Variants in TBC1D32 observed in about 807,000 individuals in gnomAD.
TBC1D32 encodes protein broad-minded.
Under a neutral mutation model 170.3 loss-of-function variants are expected in TBC1D32, and 151 were observed. The ratio of observed to expected loss-of-function variants is 0.89; its 90% CI spans 0.78 to 1.01. The LOEUF is 1.01. Ranked by LOEUF, TBC1D32 falls within the 50% of genes least tolerant of loss-of-function variation. The probability of loss-of-function intolerance (pLI) is 0.00; values close to 1 mark genes in which losing one functional copy is unlikely to be tolerated. For synonymous variants in TBC1D32, 498 were observed against 488.0 expected, an observed-to-expected ratio of 1.02 and a Z score of -0.27; for missense variants, 1,464 against 1,457.1, an observed-to-expected ratio of 1.00 and a Z score of -0.08.
chr6:121,221,627 G>GCTTT (rs1283316992), intron 21 of TBC1D32, among the ~76,000 whole-genome samples: 7 of 152,202 alleles, frequency 4.6e-5, no homozygotes, highest in African/African-American at 1.7e-4. Flanking sequence ...ATGACTTAAA[G>GCTTT]AAGTTCAGTA....
intron 15 of TBC1D32, among the ~76,000 whole-genome samples, chr6:121,267,846 G>C (rs1442597866): frequency 2.6e-5 from 4 of 152,134 alleles, no homozygotes; most frequent in African/African-American, 9.7e-5. Flanking sequence ...CTAACTGGCA[G>C]ACAACTCTCA....
chr6:121,147,096 T>G (rs1486785987), intron 24 of TBC1D32, among the ~76,000 whole-genome samples: 4 of 152,244 alleles, frequency 2.6e-5, no homozygotes, highest in Non-Finnish European at 5.9e-5. Flanking sequence ...CTTGCATTAA[T>G]GCACTTAGAA....
At chr6:121,128,485 T>A (rs1337123949) in intron 25 of TBC1D32, among the ~76,000 whole-genome samples, 1 of 152,100 alleles carries the variant, frequency 6.6e-6, no homozygotes, top group African/African-American at 2.4e-5. Context: ...CACAAAACAA[T>A]CCTTAATTAT....
At chr6:121,334,582 T>G (rs1057422956), upstream of TBC1D32, 4 of 850,058 alleles carry the variant, frequency 4.7e-6, no homozygotes, top group African/African-American at 5.2e-5. Context: ...CGCCCTCAGC[T>G]GCCAGTGCGT....
intron 1 of TBC1D32, among the ~76,000 whole-genome samples, 192 bp from the exon 2 acceptor site, chr6:121,321,986 T>TCATTTAAAGATTAC (rs1456894089): frequency 6.6e-6 from 1 of 151,936 alleles, no homozygotes; most frequent in East Asian, 1.9e-4. Flanking sequence ...GCAAAAATCA[T>TCATTTAAAGATTAC]CATTTAAAGA....
chr6:121,190,667 C>A (rs1172585613), intron 22 of TBC1D32, among the ~76,000 whole-genome samples: 1 of 152,060 alleles, frequency 6.6e-6, no homozygotes, highest in Non-Finnish European at 1.5e-5. Context: ...TTACTTAAAA[C>A]CCAAACCAAA....
chr6:121,289,830 T>C (rs1048070418), intron 12 of TBC1D32, among the ~76,000 whole-genome samples: 1 of 152,042 alleles, frequency 6.6e-6, no homozygotes, highest in Non-Finnish European at 1.5e-5. Context: ...AACAGAGCCC[T>C]CAGAAATAAT....
intron 30 of TBC1D32, among the ~76,000 whole-genome samples, chr6:121,092,636 G>A (rs1256418787): frequency 6.6e-6 from 1 of 151,868 alleles, no homozygotes; most frequent in African/African-American, 2.4e-5. Context: ...CTATTGGCAG[G>A]GCTGGTTTCT....
intron 22 of TBC1D32, 72 bp from the exon 23 acceptor site, chr6:121,161,128 G>A: frequency 2.6e-6 from 3 of 1,152,554 alleles, no homozygotes; most frequent in South Asian, 1.5e-5. Context: ...TCAAGTCTCT[G>A]GATTGTAAAG....
intron 9 of TBC1D32, among the ~76,000 whole-genome samples, chr6:121,300,663 G>A (rs1212830319): frequency 1.3e-5 from 2 of 152,042 alleles, no homozygotes; most frequent in Non-Finnish European, 1.5e-5. Flanking sequence ...CAAAAGCAAT[G>A]ACAACAAAAG....
At chr6:121,313,992 C>T (rs75539064) in intron 3 of TBC1D32, among the ~76,000 whole-genome samples, 2,082 of 152,214 alleles carry the variant, frequency 0.014, 35 homozygotes, top group African/African-American at 0.04. Flanking sequence ...AAAGGACATA[C>T]TCTGAATGAG....
intron 3 of TBC1D32, 27 bp from the exon 4 acceptor site, chr6:121,310,874 T>C (rs1241248751): frequency 7.8e-7 from 1 of 1,284,358 alleles, no homozygotes; most frequent in Non-Finnish European, 1.1e-6. Flanking sequence ...AGGACATTCA[T>C]TTATTTAGAA....
chr6:121,092,272 T>A (rs779897584), intron 30 of TBC1D32, among the ~76,000 whole-genome samples: 1 of 148,502 alleles, frequency 6.7e-6, no homozygotes, highest in African/African-American at 2.5e-5. Context: ...TTATTGAATA[T>A]CTCTTCTCCT....
chr6:121,239,905 G>A (rs1344544601), intron 19 of TBC1D32, among the ~76,000 whole-genome samples: 39 of 152,112 alleles, frequency 2.6e-4, no homozygotes, highest in Admixed American at 2.5e-3. Context: ...GGGTCTTCTG[G>A]TATGAGAGAA....
intron 24 of TBC1D32, among the ~76,000 whole-genome samples, chr6:121,151,857 A>T (rs1484181064): frequency 6.6e-6 from 1 of 152,090 alleles, no homozygotes; most frequent in Non-Finnish European, 1.5e-5. Flanking sequence ...TTGCCTGGTA[A>T]ATCTTCGTCC....
intron 24 of TBC1D32, among the ~76,000 whole-genome samples, chr6:121,138,795 A>G (rs2128223525): frequency 6.6e-6 from 1 of 152,272 alleles, no homozygotes; most frequent in East Asian, 1.9e-4. Flanking sequence ...ATAAGCACAC[A>G]CAATATCTGT....
Position 121,131,693 on chromosome 6 carries a change from T to A in TBC1D32, c.2833A>T (p.Ile945Leu). The A allele has an allele frequency of 1.9e-6, 3 of 1,610,764 alleles. No individual in the cohort carries two copies. Among genetic ancestry groups the A allele is most frequent in the Non-Finnish European group, 2.5e-6 (3 of 1,178,106 alleles). Reference protein sequence around the residue: ...LKISDKQTEWIENCQRQFCKM... With the variant: ...LKISDKQTEWLENCQRQFCKM... ...CAAAATTGTCTTTGGCAGTTTTCTA[T>A]CCATTCAGTTTGTTTATCAGATATT... Residue 945 changes from isoleucine (I) to leucine (L), a missense_variant, in exon 25 of 32, where the codon ATA (isoleucine) becomes TTA (leucine). Physicochemically the swap from Ile to Leu is conservative, Grantham distance 5. Transcript: ENST00000398212.
Position 121,138,828 on chromosome 6 carries a change from T to C in TBC1D32, c.2774-7076A>G, listed in dbSNP as rs117055041. Among the ~76,000 whole-genome samples the C allele has an allele frequency of 7.0e-3, 1,061 of 152,076 alleles. 10 individuals are homozygous for C. Among genetic ancestry groups the C allele is most frequent in the Middle Eastern group, 0.017 (5 of 292 alleles). The stretch of plus-strand genomic sequence containing the variant: ...TGTCATCATGTTATATTACACTTCA[T>C]ATAGTACCATATTATTTTTCTTTTT... On this transcript the variant is annotated intron_variant, in intron 24 of 31. Coordinates refer to ENST00000398212, the MANE Select transcript of TBC1D32 (RefSeq NM_152730.6).
intron 20 of TBC1D32, among the ~76,000 whole-genome samples, chr6:121,226,313 G>T (rs901879310): frequency 6.6e-6 from 1 of 152,114 alleles, no homozygotes; most frequent in African/African-American, 2.4e-5. Context: ...GGAGAGCAAT[G>T]GGGGGATATA....
Sources: gnomAD v4.1 joint callset for allele counts (sites outside exome capture counted in the v4.1 genomes callset) on GRCh38, gnomAD v4.1.1 for gene constraint, MANE v1.5 for transcripts, NCBI Gene and HGNC (gene_info 2026-07-23, HGNC 2026-07-21) for gene names.